CMIP: variants seen among roughly 807,000 people sequenced by gnomAD.
CMIP encodes C-Maf-inducing protein.
Under a neutral mutation model 97.3 loss-of-function variants are expected in CMIP, and 13 were observed. The observed-to-expected ratio is 0.13, with a 90% CI of 0.09 to 0.21. The LOEUF (loss-of-function observed/expected upper bound fraction) is 0.21, where lower values mean the gene tolerates loss of function less well. CMIP is among the 10% of genes least tolerant of loss of function. The pLI is 1.00. For missense variants in CMIP, 847 were observed against 1,024.9 expected (o/e 0.83, Z 2.37); for synonymous variants, 538 against 436.3 (o/e 1.23, Z -2.91).
At chr16:81,697,357 G>C (rs55894401) in intron 14 of CMIP, 61,748 of 152,212 alleles carry the variant, frequency 0.41, 12,841 homozygotes, top group Non-Finnish European at 0.45. Context: ...GGCACACATG[G>C]CTTCTTCCAG....
chr16:81,704,146 T>C (rs1907754124), intron 18 of CMIP, 61 bp downstream of exon 18: 2 of 1,435,254 alleles, frequency 1.4e-6, no homozygotes, highest in Non-Finnish European at 1.9e-6. Context: ...TGCACTCTCC[T>C]CCCTATTCCC....
In CMIP at chr16:81,460,551, G is replaced by A. The variant is rs574035486; in HGVS notation, c.300+15010G>A. ...CCCTCAGTCCTGGGCACACTTGGAC[G>A]GCTGGTCACCCTAGGTAGAAAAACC... On this transcript the variant is annotated intron_variant, in intron 1 of 20. Coordinates refer to ENST00000537098, the MANE Select transcript of CMIP (RefSeq NM_198390.3). Among the ~76,000 whole-genome samples the A allele has an allele frequency of 5.3e-5, 8 of 152,274 alleles. No homozygotes were observed. In the East Asian group the frequency reaches 1.4e-3, roughly 26 times the overall value.
intron 10 of CMIP, among the ~76,000 whole-genome samples, chr16:81,679,440 T>C (rs545156023): frequency 1.4e-3 from 207 of 152,194 alleles, no homozygotes; most frequent in Admixed American, 2.5e-3. Flanking sequence ...TGTATGTGTG[T>C]GTTGTGTGAG....
chr16:81,491,984 A>AC (rs752682467), intron 1 of CMIP, among the ~76,000 whole-genome samples: 4 of 152,024 alleles, frequency 2.6e-5, no homozygotes, highest in Non-Finnish European at 5.9e-5. Context: ...TTTTCATGAA[A>AC]CCATCTCCCT....
intron 13 of CMIP, among the ~76,000 whole-genome samples, chr16:81,694,585 C>T (rs1906484896): frequency 6.6e-6 from 1 of 152,176 alleles, no homozygotes; most frequent in South Asian, 2.1e-4. Context: ...GCTGTAATTC[C>T]AGAAGTTCTA....
intron 1 of CMIP, among the ~76,000 whole-genome samples, chr16:81,604,395 T>TAAAA (rs1233838928): frequency 1.3e-5 from 1 of 74,728 alleles, no homozygotes; most frequent in African/African-American, 8.4e-5. Context: ...AAACTCTGTC[T>TAAAA]CAAAAAAAAA....
chr16:81,691,583 A>G lies in CMIP; in HGVS notation c.1389-192A>G, dbSNP rs999456969. 2.9e-5 allele frequency: 18 copies of G among 622,838 alleles called. No homozygotes were observed. The Admixed American group carries it at 3.1e-4, about 11-fold the overall frequency. 38.6% of individuals were successfully genotyped at this position (622,838 alleles called of 1,614,324 possible). On this transcript the variant is annotated intron_variant, in intron 10 of 20. Transcript: ENST00000537098. The stretch of plus-strand genomic sequence containing the variant: ...CATGAGGAAGTCTCTGCACAGGCCC[A>G]GTTGTGAGTCCTTGAGGCCACGCTG...
chr16:81,656,769 C>T (rs945077676), intron 4 of CMIP, among the ~76,000 whole-genome samples: 2 of 152,168 alleles, frequency 1.3e-5, no homozygotes, highest in African/African-American at 2.4e-5. Flanking sequence ...TCCCGAGTAG[C>T]GAGTACCATG....
chr16:81,473,400 G>A (rs1907679080), intron 1 of CMIP, among the ~76,000 whole-genome samples: 1 of 152,206 alleles, frequency 6.6e-6, no homozygotes, highest in African/African-American at 2.4e-5. Context: ...ACCCGGCAGA[G>A]GCTGTTGCCC....
chr16:81,457,699 G>A (rs761514494), intron 1 of CMIP, among the ~76,000 whole-genome samples: 164 of 152,218 alleles, frequency 1.1e-3, no homozygotes, highest in Non-Finnish European at 2.1e-3. Flanking sequence ...GAGCAGGCAG[G>A]GGCTGCCCGG....
chr16:81,474,765 C>T (rs752644616), intron 1 of CMIP, among the ~76,000 whole-genome samples: 11 of 152,236 alleles, frequency 7.2e-5, no homozygotes, highest in Non-Finnish European at 7.4e-5. Flanking sequence ...CTCTCCTGCA[C>T]GCCCTTCCTG....
At chr16:81,463,075 G>A (rs1906988616) in intron 1 of CMIP, among the ~76,000 whole-genome samples, 1 of 152,224 alleles carries the variant, frequency 6.6e-6, no homozygotes, top group South Asian at 2.1e-4. Context: ...TTCAGCTGAT[G>A]TGAATGGAGC....
intron 1 of CMIP, among the ~76,000 whole-genome samples, chr16:81,558,244 G>A (rs1335015870): frequency 1.3e-5 from 2 of 152,044 alleles, no homozygotes; most frequent in East Asian, 1.9e-4. Context: ...ATAGTGCTGC[G>A]GTGAATGCAG....
At chr16:81,580,525 C>A (rs2091278992) in intron 1 of CMIP, among the ~76,000 whole-genome samples, 1 of 151,534 alleles carries the variant, frequency 6.6e-6, no homozygotes, top group South Asian at 2.1e-4. Context: ...CCTCTGCATC[C>A]TGGGTTCAAG....
rs1332566251 is a variant in CMIP, at chr16:81,614,657, GTGTA to G, written c.427-6211_427-6208del. Among the ~76,000 whole-genome samples, 4 of 151,878 alleles carry G rather than the reference GTGTA, an allele frequency of 2.6e-5. No homozygotes were observed. Among genetic ancestry groups the G allele is most frequent in the African/African-American group, 4.8e-5 (2 of 41,304 alleles). The stretch of plus-strand genomic sequence containing the variant: ...TCCTGCGTGTGGGACTGTGGTGTGT[GTGTA>G]TGTATGTCTGTATGGTTTATGTGTG... On this transcript the variant is annotated intron_variant, in intron 2 of 20. Transcript: ENST00000537098. This position sits in a 1 kb window ranked among gnomAD's most constrained non-coding sequence, Gnocchi z 5.3.
Position 81,699,729 on chromosome 16 carries a change from G to A in CMIP, c.1683G>A (p.Leu561=). The A allele has an allele frequency of 6.2e-7, 1 of 1,613,732 alleles. No homozygotes were observed. The highest frequency in any genetic ancestry group is 8.5e-7 in the Non-Finnish European group (1 of 1,179,770). Residue 561 remains leucine, a synonymous_variant, in exon 15 of 21, where the codon CTG becomes CTA. Transcript: ENST00000537098. ...MGSCYKTKKF[L]LSLAENKLGP... ...CCTGTTACAAGACCAAAAAATTCCT[G>A]CTCTCCCTGGCAGAAAACAAGCTGG...
chr16:81,626,268 T>A, intron 3 of CMIP, among the ~76,000 whole-genome samples: 1 of 151,478 alleles, frequency 6.6e-6, no homozygotes, highest in East Asian at 1.9e-4. Context: ...AGAGCGAGAG[T>A]GACTGAGTGT....
intron 1 of CMIP, among the ~76,000 whole-genome samples, chr16:81,477,451 G>T (rs975531890): frequency 1.3e-5 from 2 of 152,114 alleles, no homozygotes; most frequent in African/African-American, 2.4e-5. Flanking sequence ...GTGAGCCACC[G>T]CACCTAGCCT....
chr16:81,558,412 A>T lies in CMIP; in HGVS notation c.301-49155A>T, dbSNP rs371505000. Among the ~76,000 whole-genome samples, 25 of 152,318 alleles carry T rather than the reference A, an allele frequency of 1.6e-4. 1 individual carries two copies. The East Asian group carries it at 1.9e-3, about 12-fold the overall frequency. On this transcript the variant is annotated intron_variant, in intron 1 of 20. Transcript: ENST00000537098. ...TACCTGGAAATGGAACGTCTGGATG[A>T]TACAGCTCTTCTCCGGTTAAGTTTT...
Sources: gnomAD v4.1 joint callset for allele counts (sites outside exome capture counted in the v4.1 genomes callset) on GRCh38, gnomAD v4.1.1 for gene constraint, Gnocchi (gnomAD v3.1) non-coding constraint, MANE v1.5 for transcripts, NCBI Gene and HGNC (gene_info 2026-07-23, HGNC 2026-07-21) for gene names.